B3GALT1: variants seen among roughly 807,000 people sequenced by gnomAD.
The protein encoded by B3GALT1 is beta-1,3-galactosyltransferase 1.
B3GALT1 carries 10 observed loss-of-function variants against 23.2 expected under a neutral mutation model. The observed-to-expected ratio is 0.43, with a 90% confidence interval of 0.27 to 0.73. The LOEUF is 0.73. Among genes scored for constraint, B3GALT1 ranks in the 30% least tolerant of loss-of-function variants. The pLI is 0.21. For synonymous variants in B3GALT1, 156 were observed against 141.5 expected (o/e 1.10, Z -0.73); for missense variants, 299 against 405.4 (o/e 0.74, Z 2.25).
chr2:167,434,712 C>CA (rs1356098873), intron 1 of B3GALT1, among the ~76,000 whole-genome samples: 2 of 121,658 alleles, frequency 1.6e-5, no homozygotes, highest in South Asian at 2.9e-4. Flanking sequence ...TATGAATGAC[C>CA]CCCCCCCCTT....
chr2:167,812,296 A>G (rs569365080), intron 3 of B3GALT1, among the ~76,000 whole-genome samples: 5 of 152,336 alleles, frequency 3.3e-5, no homozygotes, highest in African/African-American at 1.2e-4. Context: ...AAACTTTCCA[A>G]AATTTGTTTG....
At chr2:167,323,838 C>G (rs1696849356) in intron 1 of B3GALT1, among the ~76,000 whole-genome samples, 1 of 151,030 alleles carries the variant, frequency 6.6e-6, no homozygotes, top group African/African-American at 2.4e-5. Flanking sequence ...TTCAGAAATT[C>G]TTATTTTTTT....
In B3GALT1 at chr2:167,664,394, A is replaced by G. The variant is rs1408953172; in HGVS notation, c.-352+17428A>G. Among the ~76,000 whole-genome samples the G allele has an allele frequency of 1.8e-4, 27 of 149,942 alleles. 1 individual carries two copies. The East Asian group carries it at 3.7e-3, about 20-fold the overall frequency. ...GTAGTATAGTTTGAAGTCAGGTAGCATGATGCCTCCAGCTTTGTTCTTTTG... is the reference window on the plus strand; with the variant it reads ...GTAGTATAGTTTGAAGTCAGGTAGCGTGATGCCTCCAGCTTTGTTCTTTTG... On this transcript the variant is annotated intron_variant, in intron 3 of 4. Transcript: ENST00000392690.
Position 167,486,790 on chromosome 2 carries a change from TACTC to T in B3GALT1, c.-510-3384_-510-3381del, listed in dbSNP as rs199770123. On this transcript the variant is annotated intron_variant, in intron 1 of 4. Transcript: ENST00000392690. ...ATGACGAGGAAATACAGAGAACTGA[TACTC>T]ACACTGGCCAAAAGAAAGAATAGAA... Among the ~76,000 whole-genome samples the T allele has an allele frequency of 8.3e-3, 1,263 of 152,032 alleles. 10 individuals carry two copies. The highest frequency in any genetic ancestry group is 0.012 in the Non-Finnish European group (825 of 67,892).
intron 2 of B3GALT1, among the ~76,000 whole-genome samples, chr2:167,494,530 A>T (rs889485631): frequency 3.3e-5 from 5 of 152,278 alleles, no homozygotes; most frequent in African/African-American, 1.2e-4. Flanking sequence ...ATGAGACTCT[A>T]TAACTGTATG....
chr2:167,843,726 T>A (rs1689697785), intron 4 of B3GALT1, among the ~76,000 whole-genome samples: 1 of 152,224 alleles, frequency 6.6e-6, no homozygotes, highest in Non-Finnish European at 1.5e-5. Context: ...ACTTGACCCA[T>A]AAATTGCAGG....
At chr2:167,763,051 A>G (rs929844987) in intron 3 of B3GALT1, among the ~76,000 whole-genome samples, 1 of 152,210 alleles carries the variant, frequency 6.6e-6, no homozygotes, top group African/African-American at 2.4e-5. Flanking sequence ...TTTTCTTCAT[A>G]GAGAGTCTTA....
intron 1 of B3GALT1, among the ~76,000 whole-genome samples, chr2:167,488,964 A>G (rs1031629258): frequency 1.4e-5 from 1 of 72,294 alleles, no homozygotes; most frequent in African/African-American, 6.1e-5. Context: ...ATGAAGGACT[A>G]TGATATTACA....
intron 2 of B3GALT1, among the ~76,000 whole-genome samples, chr2:167,613,057 AAGAG>A (rs761331820): frequency 4.6e-5 from 7 of 151,940 alleles, no homozygotes; most frequent in Non-Finnish European, 8.8e-5. Flanking sequence ...GGGACAGGTA[AAGAG>A]AGAGGGAAAA....
intron 1 of B3GALT1, among the ~76,000 whole-genome samples, chr2:167,418,186 C>G (rs1250170479): frequency 6.6e-6 from 1 of 152,182 alleles, no homozygotes; most frequent in African/African-American, 2.4e-5. Flanking sequence ...CACTGACTCT[C>G]AAAGTTACAG....
intron 3 of B3GALT1, among the ~76,000 whole-genome samples, chr2:167,671,404 T>A (rs1420102296): frequency 6.6e-6 from 1 of 152,166 alleles, no homozygotes; most frequent in Non-Finnish European, 1.5e-5. Flanking sequence ...TTAGATCATA[T>A]GTTGAGCCAC....
chr2:167,644,176 G>A (rs1398901452), intron 2 of B3GALT1, among the ~76,000 whole-genome samples: 2 of 152,144 alleles, frequency 1.3e-5, no homozygotes, highest in African/African-American at 4.8e-5. Flanking sequence ...TGGCAGAAGT[G>A]GATACTCATT....
intron 3 of B3GALT1, among the ~76,000 whole-genome samples, chr2:167,729,902 A>T (rs1687382572): frequency 6.6e-6 from 1 of 152,150 alleles, no homozygotes; most frequent in South Asian, 2.1e-4. Flanking sequence ...AGCCCACCAC[A>T]GGTCTTCCTC....
chr2:167,363,076 A>G (rs937113844), intron 1 of B3GALT1, among the ~76,000 whole-genome samples: 2 of 151,346 alleles, frequency 1.3e-5, no homozygotes, highest in Non-Finnish European at 2.9e-5. Flanking sequence ...GCTGGTCCCA[A>G]ACTCCTGACC....
intron 3 of B3GALT1, among the ~76,000 whole-genome samples, chr2:167,717,263 C>G (rs764775628): frequency 2.0e-5 from 3 of 148,470 alleles, no homozygotes; most frequent in Non-Finnish European, 3.0e-5. Context: ...GATGCCCTAT[C>G]TATTAACTCC....
intron 3 of B3GALT1, among the ~76,000 whole-genome samples, chr2:167,665,251 A>T (rs1475377049): frequency 7.0e-6 from 1 of 142,668 alleles, no homozygotes; most frequent in Non-Finnish European, 1.5e-5. Context: ...TTCTGTTTAT[A>T]TGCTGGATTA....
intron 3 of B3GALT1, among the ~76,000 whole-genome samples, chr2:167,770,939 A>T (rs1688062243): frequency 6.6e-6 from 1 of 152,190 alleles, no homozygotes; most frequent in Non-Finnish European, 1.5e-5. Flanking sequence ...TTTCGATAGC[A>T]GCTAGATGTT....
At chr2:167,336,493 C>T (rs1294735565) in intron 1 of B3GALT1, among the ~76,000 whole-genome samples, 1 of 152,138 alleles carries the variant, frequency 6.6e-6, no homozygotes, top group Non-Finnish European at 1.5e-5. Context: ...TACATAAAAG[C>T]AGGTTAGATT....
chr2:167,730,313 C>G (rs1687389681), intron 3 of B3GALT1, among the ~76,000 whole-genome samples: 2 of 152,106 alleles, frequency 1.3e-5, no homozygotes, highest in South Asian at 4.1e-4. Flanking sequence ...TAGTGTGTCT[C>G]AATTCTTAAT....
Sources: gnomAD v4.1 joint callset for allele counts (sites outside exome capture counted in the v4.1 genomes callset) on GRCh38, gnomAD v4.1.1 for gene constraint, MANE v1.5 for transcripts, NCBI Gene and HGNC (gene_info 2026-07-23, HGNC 2026-07-21) for gene names.